The following SLC2A9 variants were observed in gnomAD, a reference collection of about 807,000 sequenced individuals.
The protein encoded by SLC2A9 is solute carrier family 2 member 9, also known as solute carrier family 2, facilitated glucose transporter member 9.
SLC2A9 carries 39 observed loss-of-function variants against 50.6 expected under a neutral mutation model. That is an observed-to-expected ratio of 0.77 (90% CI 0.60 to 1.01). The LOEUF (loss-of-function observed/expected upper bound fraction) is 1.01. Among genes scored for constraint, SLC2A9 ranks in the 50% least tolerant of loss-of-function variants. The pLI is 0.00. For synonymous variants in SLC2A9, 324 were observed against 276.9 expected (o/e 1.17, Z -1.69); for missense variants, 686 against 677.6 (o/e 1.01, Z -0.14).
At position 9,912,030 on chromosome 4, in the gene SLC2A9, T is replaced by C. The variant is rs962478053; in HGVS notation, c.1003-3685A>G. Among the ~76,000 whole-genome samples the C allele has an allele frequency of 1.1e-3, 168 of 152,214 alleles. 1 individual carries two copies. Among genetic ancestry groups the C allele is most frequent in the Non-Finnish European group, 1.0e-3 (68 of 68,014 alleles). ...CTGGAAACCATCATTCTCAGCAAAC[T>C]ATCGCAAGGACAAAAAACCAAACAC... On this transcript the variant is annotated intron_variant, in intron 7 of 11. Coordinates refer to ENST00000264784, the MANE Select transcript of SLC2A9 (RefSeq NM_020041.3).
chr4:9,920,419 G>T lies in SLC2A9; in HGVS notation c.968C>A (p.Thr323Asn). 6.2e-7 allele frequency: 1 copy of T among 1,614,196 alleles called. No individual in the cohort carries two copies. The change falls in exon 7 of 12, where the codon ACC becomes AAC. Residue 323 changes from threonine to asparagine, a missense_variant. Physicochemically the swap from Thr to Asn is moderately conservative, Grantham distance 65 (BLOSUM62 0). Coordinates refer to ENST00000264784, the MANE Select transcript of SLC2A9 (RefSeq NM_020041.3). Reference sequence around the variant, plus strand: ...GCCACAGAGCTGGTAGCAGGCCATGGTGACAATCACGGTGACCACCTGCCA... The same window carrying T: ...GCCACAGAGCTGGTAGCAGGCCATGTTGACAATCACGGTGACCACCTGCCA... ...VRWQVVTVIV[T>N]MACYQLCGLN...
chr4:9,816,561 G>T (rs1283753705), intron 3 of SLC2A9, among the ~76,000 whole-genome samples: 1 of 152,086 alleles, frequency 6.6e-6, no homozygotes. Flanking sequence ...AAGGAAAATG[G>T]TAAATACATG....
chr4:10,025,632 T>C (rs1763724842), upstream of SLC2A9: 4 of 450,198 alleles, frequency 8.9e-6, no homozygotes. Flanking sequence ...GTCCCCTTGT[T>C]GAGAAATGAC....
intron 2 of SLC2A9, among the ~76,000 whole-genome samples, chr4:10,005,950 G>A (rs1198671997): frequency 2.6e-5 from 4 of 152,194 alleles, no homozygotes; most frequent in Admixed American, 2.6e-4. Context: ...TCCTTGAAGA[G>A]TTACTGTGAA....
At chr4:9,886,888 AT>A (rs1400835263) in intron 10 of SLC2A9, among the ~76,000 whole-genome samples, 4 of 152,168 alleles carry the variant, frequency 2.6e-5, no homozygotes, top group Non-Finnish European at 4.4e-5. Context: ...CGTTGTACAG[AT>A]GGGGAAACTG....
At chr4:9,983,265 A>G (rs556068040) in intron 4 of SLC2A9, among the ~76,000 whole-genome samples, 2 of 152,230 alleles carry the variant, frequency 1.3e-5, no homozygotes, top group Non-Finnish European at 2.9e-5. Flanking sequence ...TGGTTGCTGC[A>G]GTGGTCCCTG....
intron 10 of SLC2A9, among the ~76,000 whole-genome samples, chr4:9,836,291 A>T (rs1381850351): frequency 6.7e-6 from 1 of 148,500 alleles, no homozygotes; most frequent in Non-Finnish European, 1.5e-5. Context: ...TCCCCAAAAA[A>T]CCTATGGAAA....
intron 8 of SLC2A9, 130 bp downstream of exon 8, chr4:9,908,105 A>G (rs1741017330): frequency 1.4e-6 from 1 of 736,390 alleles, no homozygotes; most frequent in East Asian, 2.6e-5. Context: ...GCTGAATGAT[A>G]GGAAACCACA....
intron 3 of SLC2A9, among the ~76,000 whole-genome samples, chr4:9,812,805 T>C (rs1002524517): frequency 7.9e-5 from 12 of 152,212 alleles, no homozygotes; most frequent in Non-Finnish European, 1.5e-4. Flanking sequence ...TTGCCTTTAT[T>C]ACTTCCAAGC....
At chr4:10,039,648 C>G (rs1226706849) in intron 1 of SLC2A9, among the ~76,000 whole-genome samples, 3 of 152,156 alleles carry the variant, frequency 2.0e-5, no homozygotes, top group Non-Finnish European at 2.9e-5. Flanking sequence ...CCCTCCATCC[C>G]CACTGTCATC....
intron 5 of SLC2A9, among the ~76,000 whole-genome samples, chr4:9,956,396 C>T (rs1018171199): frequency 2.0e-5 from 3 of 151,878 alleles, no homozygotes; most frequent in Non-Finnish European, 2.9e-5. Flanking sequence ...AGGAGAATGG[C>T]GTGAATCTGG....
At chr4:9,792,925 A>C (rs1429143741) in intron 3 of SLC2A9, 1 of 153,200 alleles carries the variant, frequency 6.5e-6, no homozygotes, top group Non-Finnish European at 1.4e-5. Context: ...CCCAGGCTGG[A>C]GTGCAATGGC....
intron 8 of SLC2A9, among the ~76,000 whole-genome samples, chr4:9,895,896 C>T (rs12505366): frequency 6.6e-6 from 1 of 152,208 alleles, no homozygotes; most frequent in African/African-American, 2.4e-5. Context: ...TTTATCATTT[C>T]ATATTGCTTA....
At chr4:9,977,579 T>G (rs1173173657) in intron 5 of SLC2A9, among the ~76,000 whole-genome samples, 1 of 76,392 alleles carries the variant, frequency 1.3e-5, no homozygotes, top group Admixed American at 2.0e-4. Flanking sequence ...TCCTGACACC[T>G]GAGTTTTTCT....
At chr4:9,893,233 C>T (rs759402015) in intron 8 of SLC2A9, among the ~76,000 whole-genome samples, 1 of 152,110 alleles carries the variant, frequency 6.6e-6, no homozygotes, top group Non-Finnish European at 1.5e-5. Context: ...CCCCCTCCCC[C>T]CTCCGCATTC....
intron 3 of SLC2A9, among the ~76,000 whole-genome samples, chr4:9,818,722 C>T (rs566122753): frequency 6.6e-6 from 1 of 152,230 alleles, no homozygotes; most frequent in Non-Finnish European, 1.5e-5. Context: ...TTATTATTTT[C>T]TTTGTCCTGG....
chr4:9,901,666 C>T (rs1739643633), intron 8 of SLC2A9, among the ~76,000 whole-genome samples: 1 of 152,002 alleles, frequency 6.6e-6, no homozygotes. Flanking sequence ...TCCCCTCAAG[C>T]CCCATGCCCC....
intron 5 of SLC2A9, among the ~76,000 whole-genome samples, chr4:9,965,810 G>A (rs1007555500): frequency 2.0e-5 from 3 of 151,946 alleles, no homozygotes; most frequent in African/African-American, 2.4e-5. Flanking sequence ...TGAAAGTTTC[G>A]ATGACATAAG....
At chr4:9,823,153 G>C (rs945026665), downstream of SLC2A9, among the ~76,000 whole-genome samples, 2 of 152,156 alleles carry the variant, frequency 1.3e-5, no homozygotes, top group Non-Finnish European at 2.9e-5. Context: ...TACTTTTAGC[G>C]AACCTGAAAA....
Sources: gnomAD v4.1 joint callset for allele counts (sites outside exome capture counted in the v4.1 genomes callset) on GRCh38, gnomAD v4.1.1 for gene constraint, MANE v1.5 for transcripts, NCBI Gene and HGNC (gene_info 2026-07-23, HGNC 2026-07-21) for gene names.